The following HP1BP3 variants were observed in gnomAD, a reference collection of about 807,000 sequenced individuals.
The protein encoded by HP1BP3 is heterochromatin protein 1 binding protein 3, also known as heterochromatin protein 1-binding protein 3.
In HP1BP3, 12 loss-of-function variants were observed where a neutral mutation model predicts 62.5. The ratio of observed to expected loss-of-function variants is 0.19; its 90% CI spans 0.12 to 0.31. HP1BP3 has a LOEUF of 0.31. Among genes scored for constraint, HP1BP3 ranks in the 10% least tolerant of loss-of-function variants. The pLI is 1.00. For missense variants in HP1BP3, 502 were observed against 651.8 expected, an observed-to-expected ratio of 0.77 and a Z score of 2.50; for synonymous variants, 260 against 237.8, an observed-to-expected ratio of 1.09 and a Z score of -0.86.
intron 1 of HP1BP3, among the ~76,000 whole-genome samples, chr1:20,781,926 C>A (rs1460641881): frequency 2.0e-5 from 3 of 152,048 alleles, no homozygotes; most frequent in Non-Finnish European, 4.4e-5. Context: ...GCACCCGGCC[C>A]ATTTTTCTTA....
chr1:20,786,256 G>C (rs1306544295), intron 1 of HP1BP3: 6 of 152,312 alleles, frequency 3.9e-5, no homozygotes, highest in Admixed American at 3.9e-4. Context: ...GACCTACCGA[G>C]GCACCGCTCT....
chr1:20,746,186 A>ATGTGTGTGTGTGTGTGTGTGTG (rs35710978), intron 11 of HP1BP3, among the ~76,000 whole-genome samples: 2 of 143,146 alleles, frequency 1.4e-5, no homozygotes, highest in African/African-American at 5.4e-5. Context: ...ACATACATAT[A>ATGTGTGTGTGTGTGTGTGTGTG]TGTGTGTGTG....
chr1:20,766,703 G>A (rs1202566550), intron 7 of HP1BP3, among the ~76,000 whole-genome samples: 1 of 152,216 alleles, frequency 6.6e-6, no homozygotes, highest in Admixed American at 6.5e-5. Context: ...ACGTTGGGAG[G>A]CGGAGGCAGG....
chr1:20,768,290 C>CA (rs1385930697), intron 6 of HP1BP3, among the ~76,000 whole-genome samples: 1 of 151,990 alleles, frequency 6.6e-6, no homozygotes, highest in Non-Finnish European at 1.5e-5. Context: ...ACTAAAAATA[C>CA]AAAAAATTAG....
chr1:20,767,740 T>C (rs1278590149), intron 6 of HP1BP3, 76 bp from the exon 7 acceptor site: 3 of 877,322 alleles, frequency 3.4e-6, no homozygotes, highest in African/African-American at 3.4e-5. Context: ...GCCATGGTAA[T>C]GCAAGAGCTA....
Position 20,763,775 on chromosome 1 carries a change from A to C in HP1BP3, c.890+1602T>G, listed in dbSNP as rs975133771. 5.9e-5 allele frequency among the ~76,000 whole-genome samples: 9 copies of C among 152,366 alleles called. No individual in the cohort carries two copies. In the Middle Eastern group the frequency reaches 0.01, roughly 173 times the overall value. On this transcript the variant is annotated intron_variant, in intron 8 of 12. Transcript: ENST00000438032. ...TATCAATTACTAACAAAATTATCTC[A>C]GAATTTTATGCTGCATGTTTAAATG...
intron 10 of HP1BP3, among the ~76,000 whole-genome samples, chr1:20,748,459 G>C (rs926468178): frequency 6.6e-6 from 1 of 152,188 alleles, no homozygotes; most frequent in Non-Finnish European, 1.5e-5. Context: ...CTGGCATATA[G>C]AAATAGGCCG....
At chr1:20,751,741 TAAA>T (rs140394272) in intron 9 of HP1BP3, among the ~76,000 whole-genome samples, 1 of 110,914 alleles carries the variant, frequency 9.0e-6, no homozygotes. Context: ...AATAATAAAC[TAAA>T]AAAAAAAAAA....
chr1:20,782,002 A>T (rs1246130339), intron 1 of HP1BP3, among the ~76,000 whole-genome samples: 1 of 152,270 alleles, frequency 6.6e-6, no homozygotes, highest in Non-Finnish European at 1.5e-5. Context: ...GAAATAAAAC[A>T]ATATCACAAT....
chr1:20,769,249 T>C (rs577602867), intron 6 of HP1BP3, among the ~76,000 whole-genome samples: 1 of 152,082 alleles, frequency 6.6e-6, no homozygotes, highest in Non-Finnish European at 1.5e-5. Context: ...ACCCCTACAT[T>C]TGGCTAATTT....
chr1:20,751,548 G>GAC (rs1459702183), intron 9 of HP1BP3, among the ~76,000 whole-genome samples: 2 of 151,796 alleles, frequency 1.3e-5, no homozygotes, highest in Non-Finnish European at 2.9e-5. Flanking sequence ...AACATAGTGA[G>GAC]ACTCTCTCTC....
intron 9 of HP1BP3, among the ~76,000 whole-genome samples, chr1:20,751,277 G>T (rs1023464533): frequency 1.3e-5 from 2 of 151,710 alleles, no homozygotes; most frequent in African/African-American, 4.8e-5. Context: ...AAGTTTTCTG[G>T]GAATCTAAAG....
At chr1:20,746,271 C>T (rs748395587) in intron 11 of HP1BP3, among the ~76,000 whole-genome samples, 2 of 149,950 alleles carry the variant, frequency 1.3e-5, no homozygotes, top group Admixed American at 6.7e-5. Context: ...GCTGCCCAGG[C>T]TGGAATCAAA....
chr1:20,767,528 A>G, intron 7 of HP1BP3, 56 bp downstream of exon 7: 1 of 1,140,900 alleles, frequency 8.8e-7, no homozygotes, highest in South Asian at 1.3e-5. Flanking sequence ...GAATGTTGCT[A>G]TTTTTAGTAG....
intron 1 of HP1BP3, chr1:20,786,084 C>T (rs1258438177): frequency 6.8e-6 from 1 of 147,614 alleles, no homozygotes. Flanking sequence ...TTCACCCGGT[C>T]CGGTCTCCGT....
At chr1:20,759,880 A>AGTTT (rs2056359410) in intron 8 of HP1BP3, among the ~76,000 whole-genome samples, 1 of 113,016 alleles carries the variant, frequency 8.8e-6, no homozygotes, top group African/African-American at 3.4e-5. Context: ...TTAAAGACCG[A>AGTTT]TTTTTTTTTT....
chr1:20,770,094 C>T (rs1264384589), intron 6 of HP1BP3, among the ~76,000 whole-genome samples: 1 of 152,138 alleles, frequency 6.6e-6, no homozygotes, highest in African/African-American at 2.4e-5. Flanking sequence ...TTCTAAGTTT[C>T]CATGCACTAT....
At chr1:20,775,821 A>G in intron 4 of HP1BP3, 1 of 713,542 alleles carries the variant, frequency 1.4e-6, no homozygotes, top group Non-Finnish European at 2.2e-6. Context: ...CTAGGTATGT[A>G]GTAGGCTGTA....
chr1:20,773,389 T>C, intron 5 of HP1BP3, 62 bp downstream of exon 5: 1 of 1,469,554 alleles, frequency 6.8e-7, no homozygotes. Context: ...ATATGCCATT[T>C]TCAAATAAGA....
Sources: allele counts gnomAD v4.1 joint callset (sites outside exome capture counted in the v4.1 genomes callset), GRCh38; gene constraint gnomAD v4.1.1; transcripts MANE v1.5; gene names NCBI Gene and HGNC (gene_info 2026-07-23, HGNC 2026-07-21).